Variants in MORN1 observed in about 807,000 individuals in gnomAD.
MORN1 encodes the protein MORN repeat-containing protein 1.
Under a neutral mutation model 61.9 loss-of-function variants are expected in MORN1, and 67 were observed. The ratio of observed to expected loss-of-function variants is 1.08; its 90% confidence interval spans 0.89 to 1.33. The LOEUF is 1.33. Ranked by LOEUF, MORN1 falls within the 40% of genes most tolerant of loss-of-function variation. The pLI, the probability that MORN1 is intolerant of heterozygous loss-of-function variation, is 0.00. For missense variants in MORN1, 752 were observed against 691.2 expected, an observed-to-expected ratio of 1.09 and a Z score of -0.99; for synonymous variants, 301 against 292.0, an observed-to-expected ratio of 1.03 and a Z score of -0.31.
chr1:2,326,995 G>C (rs987677890), intron 12 of MORN1, among the ~76,000 whole-genome samples: 3 of 152,194 alleles, frequency 2.0e-5, no homozygotes, highest in African/African-American at 7.2e-5. Flanking sequence ...CCCACACAGA[G>C]ACACAGAAAC....
Position 2,388,237 on chromosome 1 carries a change from A to G in MORN1, c.247+2T>C. ...GAATGTGCCATCCCAGCTAGAGCTC[A>G]CCTGACCAGGCCCAGTGCCGGCGGC... On this transcript the variant is annotated splice_donor_variant, in intron 3 of 13. Coordinates refer to ENST00000378531, the MANE Select transcript of MORN1 (RefSeq NM_024848.3). LOFTEE classifies it high-confidence loss of function. 1 of 1,613,066 alleles carries G rather than the reference A, an allele frequency of 6.2e-7. No homozygotes were observed.
intron 10 of MORN1, chr1:2,355,312 CG>C: frequency 6.8e-7 from 1 of 1,472,732 alleles, no homozygotes; most frequent in Non-Finnish European, 9.1e-7. Flanking sequence ...GAGGCTTGGC[CG>C]CCTTGGCCTC....
intron 6 of MORN1, among the ~76,000 whole-genome samples, chr1:2,379,813 C>T (rs1309982092): frequency 1.3e-5 from 2 of 152,142 alleles, no homozygotes; most frequent in Admixed American, 6.6e-5. Flanking sequence ...AGGGTGAGGC[C>T]GCTGTGGAGA....
chr1:2,372,495 C>G lies in MORN1; in HGVS notation c.731G>C (p.Gly244Ala). 2 of 1,613,346 alleles carry G rather than the reference C, an allele frequency of 1.2e-6. No homozygotes were observed. The highest frequency in any genetic ancestry group is 1.7e-6 in the Non-Finnish European group (2 of 1,179,744). The stretch of plus-strand genomic sequence containing the variant: ...GAGATGCTTACTCTTGGCAATTTCC[C>G]CGTGGTCCTGCAGCAGCTGAACGTT... ...SVNVQLLQDH[G>A]EIAKSESGRV... Residue 244 changes from glycine to alanine, a missense_variant, in exon 8 of 14, where the codon GGG becomes GCG. Physicochemically the swap from Gly to Ala is moderately conservative, Grantham distance 60 (BLOSUM62 0). Transcript: ENST00000378531. The surrounding 1 kb of genome is among the most constrained non-coding windows in gnomAD (Gnocchi z 5.4).
At chr1:2,332,388 A>G (rs1252562767) in intron 12 of MORN1, 1 of 347,916 alleles carries the variant, frequency 2.9e-6, no homozygotes, top group African/African-American at 2.1e-5. Flanking sequence ...GGACTCCAGC[A>G]TCGGAAGGAA....
At position 2,334,580 on chromosome 1, in the gene MORN1, C is replaced by T. The variant is rs115468591; in HGVS notation, c.1250+1889G>A. Reference sequence around the variant, plus strand: ...TGCCTGTCCCAACACGACGAGAGGGCCCTGGCTGTGTGGCCGTGGAGCCGG... The same window carrying T: ...TGCCTGTCCCAACACGACGAGAGGGTCCTGGCTGTGTGGCCGTGGAGCCGG... On this transcript the variant is annotated intron_variant, in intron 12 of 13. Transcript: ENST00000378531. The surrounding 1 kb of genome is among the most constrained non-coding windows in gnomAD (Gnocchi z 5.4). 2.2e-4 allele frequency among the ~76,000 whole-genome samples: 34 copies of T among 152,192 alleles called. No homozygotes were observed. Among genetic ancestry groups the T allele is most frequent in the Non-Finnish European group, 4.7e-4 (32 of 68,002 alleles).
In MORN1 at chr1:2,358,852, G is replaced by A. The variant is rs969768501; in HGVS notation, c.746-137C>T. The A allele has an allele frequency of 4.8e-6, 5 of 1,052,632 alleles. No individual in the cohort carries two copies. In the East Asian group the frequency reaches 7.8e-5, roughly 17 times the overall value. The allele number at this position is 1,052,632 out of a possible 1,614,324, so 65.2% of individuals were successfully genotyped here. Reference sequence around the variant, plus strand: ...TTGCCAGTGGCTGTGACCCTGGTGGGCTGAGGACCCCGGCTTGCCCTCCGT... The same window carrying A: ...TTGCCAGTGGCTGTGACCCTGGTGGACTGAGGACCCCGGCTTGCCCTCCGT... On this transcript the variant is annotated intron_variant, in intron 8 of 13. Transcript: ENST00000378531.
chr1:2,325,130 C>T (rs1640983061), intron 12 of MORN1, among the ~76,000 whole-genome samples: 2 of 69,034 alleles, frequency 2.9e-5, no homozygotes, highest in Non-Finnish European at 5.1e-5. Flanking sequence ...TCCCTTCCTT[C>T]CTTCCCTCCC....
At chr1:2,324,799 T>G (rs1640965203) in intron 12 of MORN1, among the ~76,000 whole-genome samples, 3 of 152,168 alleles carry the variant, frequency 2.0e-5, no homozygotes, top group African/African-American at 7.2e-5. Flanking sequence ...CCCACCAGGG[T>G]TTCTGAACTG....
chr1:2,367,705 C>T (rs1642027421), intron 8 of MORN1, among the ~76,000 whole-genome samples: 1 of 152,054 alleles, frequency 6.6e-6, no homozygotes, highest in South Asian at 2.1e-4. Context: ...CGGCTCACTG[C>T]AACCTCTGCC....
At chr1:2,376,377 G>C (rs186604404) in intron 6 of MORN1, 1 of 152,518 alleles carries the variant, frequency 6.6e-6, no homozygotes, top group Admixed American at 6.5e-5. Flanking sequence ...GTCACCGTCA[G>C]TGATGAGAAT....
In MORN1 at chr1:2,325,642, AT is replaced by A. The variant is rs529341445; in HGVS notation, c.1251-1500del. 5.3e-3 allele frequency among the ~76,000 whole-genome samples: 666 copies of A among 124,986 alleles called. 3 individuals are homozygous for A. Among genetic ancestry groups the A allele is most frequent in the East Asian group, 5.9e-3 (25 of 4,272 alleles). 82.0% of individuals were successfully genotyped at this position (124,986 alleles called of 152,430 possible). A position where few individuals can be genotyped will look rare whatever the true frequency, so the allele number is the denominator to read the frequency against. On this transcript the variant is annotated intron_variant, in intron 12 of 13. Transcript: ENST00000378531. ...GGATCACTGCACCTGGCCTTTGTTG[AT>A]TTTTTTTTTTTTTTTTTTTTTAGCA...
chr1:2,388,785 A>G (rs1642567880), intron 2 of MORN1, among the ~76,000 whole-genome samples: 1 of 149,858 alleles, frequency 6.7e-6, no homozygotes, highest in Admixed American at 6.7e-5. Context: ...CAAAAAAAAA[A>G]AAAAAAAAAA....
intron 6 of MORN1, among the ~76,000 whole-genome samples, chr1:2,383,023 G>A (rs948839303): frequency 3.9e-5 from 6 of 152,076 alleles, no homozygotes; most frequent in Non-Finnish European, 7.4e-5. Context: ...GCCCTGCTGC[G>A]GGCAGCTGTG....
rs537432801 is a variant in MORN1 at position 2,359,141 on chromosome 1, C to T, written c.746-426G>A. Among the ~76,000 whole-genome samples the T allele has an allele frequency of 2.6e-5, 4 of 152,228 alleles. No homozygotes were observed. The East Asian group carries it at 7.7e-4, about 29-fold the overall frequency. ...ACCCAGGCCTTGGGCTGGTCAGGGG[C>T]GTGGGGTGGCACTGGCACTCACAAG... On this transcript the variant is annotated intron_variant, in intron 8 of 13. Transcript: ENST00000378531.
chr1:2,341,413 G>T (rs557330639), intron 10 of MORN1, among the ~76,000 whole-genome samples: 2 of 152,118 alleles, frequency 1.3e-5, no homozygotes, highest in Non-Finnish European at 2.9e-5. Flanking sequence ...AGGCTAAAAG[G>T]GGCCGGGCGT....
intron 7 of MORN1, among the ~76,000 whole-genome samples, 187 bp downstream of exon 7, chr1:2,374,274 A>C (rs1642186338): frequency 6.6e-6 from 1 of 152,248 alleles, no homozygotes; most frequent in Non-Finnish European, 1.5e-5. Context: ...CCCCACTTGC[A>C]GCAGGACCAC....
chr1:2,351,858 A>G, intron 10 of MORN1: 1 of 510,362 alleles, frequency 2.0e-6, no homozygotes, highest in South Asian at 1.7e-5. Context: ...GCCCACGGTC[A>G]CGACTGCCGT....
At chr1:2,374,421 G>A in intron 7 of MORN1, 40 bp downstream of exon 7, 1 of 1,529,632 alleles carries the variant, frequency 6.5e-7, no homozygotes, top group Non-Finnish European at 8.9e-7. Flanking sequence ...ACACCCCACA[G>A]TGGACCTCAC....
Sources: gnomAD v4.1 joint callset for allele counts (sites outside exome capture counted in the v4.1 genomes callset) on GRCh38, gnomAD v4.1.1 for gene constraint, Gnocchi (gnomAD v3.1) non-coding constraint, MANE v1.5 for transcripts, NCBI Gene and HGNC (gene_info 2026-07-23, HGNC 2026-07-21) for gene names.